The following SYT1 variants were observed in gnomAD, a reference collection of about 807,000 sequenced individuals.
The protein encoded by SYT1 is synaptotagmin-1.
Under a neutral mutation model 44.8 loss-of-function variants are expected in SYT1, and 8 were observed. The observed-to-expected ratio is 0.18, with a 90% CI of 0.10 to 0.32. The LOEUF is 0.32. SYT1 is among the 10% of genes least tolerant of loss of function. The pLI is 1.00. For synonymous variants in SYT1, 154 were observed against 188.8 expected (o/e 0.82, Z 1.51); for missense variants, 286 against 509.3 (o/e 0.56, Z 4.22).
chr12:79,072,715 G>A (rs1040749648), intron 3 of SYT1, among the ~76,000 whole-genome samples: 33 of 152,230 alleles, frequency 2.2e-4, no homozygotes, highest in South Asian at 6.2e-4. Flanking sequence ...TATATTAAGA[G>A]ATTTAAACAA....
At chr12:78,913,666 T>C (rs1379951484) in intron 1 of SYT1, among the ~76,000 whole-genome samples, 2 of 151,892 alleles carry the variant, frequency 1.3e-5, no homozygotes, top group Non-Finnish European at 2.9e-5. Flanking sequence ...CTTTGCTTGA[T>C]TGATAATCAG....
At chr12:79,370,671 G>A (rs1416094643) in intron 9 of SYT1, among the ~76,000 whole-genome samples, 1 of 152,112 alleles carries the variant, frequency 6.6e-6, no homozygotes, top group Non-Finnish European at 1.5e-5. Flanking sequence ...GCTGAGACAG[G>A]AGAATGGCGT....
intron 1 of SYT1, among the ~76,000 whole-genome samples, chr12:78,897,354 A>G (rs944011821): frequency 1.2e-4 from 18 of 151,984 alleles, no homozygotes; most frequent in African/African-American, 4.1e-4. Flanking sequence ...ATTACCCAGT[A>G]AACTATCCTT....
At chr12:79,172,887 C>CA (rs1871614631) in intron 3 of SYT1, among the ~76,000 whole-genome samples, 1 of 140,826 alleles carries the variant, frequency 7.1e-6, no homozygotes. Context: ...ATGCCTTTCT[C>CA]ACATTGGCTT....
chr12:79,136,719 A>C (rs1399013750), intron 3 of SYT1, among the ~76,000 whole-genome samples: 2 of 152,188 alleles, frequency 1.3e-5, no homozygotes, highest in East Asian at 3.9e-4. Flanking sequence ...CTCTTGCTAA[A>C]CTGAAAAACA....
intron 8 of SYT1, among the ~76,000 whole-genome samples, chr12:79,343,793 A>G (rs1882482159): frequency 1.3e-5 from 2 of 152,232 alleles, no homozygotes; most frequent in Non-Finnish European, 2.9e-5. Context: ...AATATGGGAT[A>G]AAAGTAAATA....
chr12:79,151,098 G>A (rs1390380912), intron 3 of SYT1, among the ~76,000 whole-genome samples: 2 of 152,166 alleles, frequency 1.3e-5, no homozygotes, highest in African/African-American at 2.4e-5. Flanking sequence ...TCAGAGTCCT[G>A]TGTCCCAATG....
intron 1 of SYT1, among the ~76,000 whole-genome samples, chr12:78,935,234 A>G (rs192347636): frequency 2.0e-5 from 3 of 152,282 alleles, no homozygotes; most frequent in East Asian, 1.9e-4. Flanking sequence ...TGCATTTTCC[A>G]TGAAGGTTGC....
At chr12:79,125,193 C>T (rs538391053) in intron 3 of SYT1, among the ~76,000 whole-genome samples, 2 of 152,132 alleles carry the variant, frequency 1.3e-5, no homozygotes, top group Admixed American at 6.5e-5. Context: ...ATAGAATCCT[C>T]AAAAGAATGG....
intron 7 of SYT1, among the ~76,000 whole-genome samples, chr12:79,297,040 C>T (rs933119274): frequency 1.4e-4 from 22 of 152,164 alleles, no homozygotes; most frequent in African/African-American, 4.6e-4. Flanking sequence ...AAAATCACCA[C>T]GTCCATCAGC....
intron 1 of SYT1, among the ~76,000 whole-genome samples, chr12:78,963,481 C>A (rs926361610): frequency 6.6e-5 from 10 of 152,028 alleles, no homozygotes; most frequent in African/African-American, 2.4e-4. Flanking sequence ...AACACACTGA[C>A]AACCCAATTT....
At chr12:79,306,467 G>C (rs1021876863) in intron 8 of SYT1, among the ~76,000 whole-genome samples, 1 of 152,170 alleles carries the variant, frequency 6.6e-6, no homozygotes, top group African/African-American at 2.4e-5. Context: ...ATCGAATTGG[G>C]TAAAACAGTT....
intron 3 of SYT1, among the ~76,000 whole-genome samples, chr12:79,108,386 T>C (rs1878830419): frequency 6.6e-6 from 1 of 152,006 alleles, no homozygotes; most frequent in Non-Finnish European, 1.5e-5. Flanking sequence ...AGTATTCTAA[T>C]AGAAAATTTT....
intron 3 of SYT1, among the ~76,000 whole-genome samples, chr12:79,075,211 G>A (rs997712227): frequency 6.6e-6 from 1 of 152,134 alleles, no homozygotes; most frequent in Non-Finnish European, 1.5e-5. Flanking sequence ...CTTGCTTCTT[G>A]GGCAAAATCT....
intron 1 of SYT1, among the ~76,000 whole-genome samples, chr12:78,875,400 A>G (rs1260020854): frequency 4.6e-5 from 7 of 151,612 alleles, no homozygotes; most frequent in Non-Finnish European, 1.0e-4. Context: ...TATAATAAAT[A>G]CTATAAAATT....
intron 4 of SYT1, among the ~76,000 whole-genome samples, chr12:79,245,416 A>C (rs938115930): frequency 2.0e-5 from 3 of 148,206 alleles, no homozygotes; most frequent in Admixed American, 6.8e-5. Flanking sequence ...CGGAGCTGCA[A>C]TGAGCCCAGA....
At chr12:79,378,675 A>T (rs370201837) in intron 9 of SYT1, among the ~76,000 whole-genome samples, 1 of 152,194 alleles carries the variant, frequency 6.6e-6, no homozygotes, top group African/African-American at 2.4e-5. Context: ...CATGACCCCC[A>T]GTGGGGTAAA....
At chr12:79,334,906 T>C (rs61928827) in intron 8 of SYT1, among the ~76,000 whole-genome samples, 16,983 of 152,106 alleles carry the variant, frequency 0.11, 1,421 homozygotes, top group African/African-American at 0.24. Flanking sequence ...TTCTTGCTTG[T>C]AAATATTAGG....
chr12:79,207,934 G>A (rs1014117055), intron 3 of SYT1, among the ~76,000 whole-genome samples: 3 of 152,134 alleles, frequency 2.0e-5, no homozygotes, highest in African/African-American at 4.8e-5. Flanking sequence ...AAATTTGCAA[G>A]TTGGTAAGTC....
Sources: gnomAD v4.1 joint callset for allele counts (sites outside exome capture counted in the v4.1 genomes callset) on GRCh38, gnomAD v4.1.1 for gene constraint, MANE v1.5 for transcripts, NCBI Gene and HGNC (gene_info 2026-07-23, HGNC 2026-07-21) for gene names.